Variants in CLSTN2 observed in about 807,000 individuals in gnomAD.
CLSTN2 encodes calsyntenin 2.
CLSTN2 carries 48 observed loss-of-function variants against 101.2 expected under a neutral mutation model. That is an observed-to-expected ratio of 0.47 (90% CI 0.38 to 0.60). The LOEUF (loss-of-function observed/expected upper bound fraction) is 0.60, where lower values mean the gene tolerates loss of function less well. Ranked by LOEUF, CLSTN2 falls within the 20% of genes least tolerant of loss-of-function variation. The probability of loss-of-function intolerance (pLI) is 0.00; values close to 1 mark genes in which losing one functional copy is unlikely to be tolerated. For synonymous variants in CLSTN2, 481 were observed against 463.6 expected (o/e 1.04, Z -0.48); for missense variants, 1,160 against 1,238.2 (o/e 0.94, Z 0.95).
chr3:140,314,885 AT>A (rs1377617965), intron 2 of CLSTN2, among the ~76,000 whole-genome samples: 1 of 152,114 alleles, frequency 6.6e-6, no homozygotes, highest in Non-Finnish European at 1.5e-5. Flanking sequence ...AAAGGAAGGA[AT>A]CCTCCTTCCC....
intron 9 of CLSTN2, among the ~76,000 whole-genome samples, chr3:140,542,642 C>G (rs568505861): frequency 1.6e-4 from 24 of 152,226 alleles, no homozygotes; most frequent in African/African-American, 5.8e-4. Context: ...GAAAAATGCT[C>G]ATTGAATCAA....
intron 2 of CLSTN2, among the ~76,000 whole-genome samples, chr3:140,324,073 G>C (rs534922776): frequency 4.0e-4 from 61 of 152,308 alleles, no homozygotes; most frequent in African/African-American, 1.4e-3. Context: ...TTCAAATAAG[G>C]CTCAAGGGTA....
chr3:139,938,853 G>A (rs571592501), intron 1 of CLSTN2, among the ~76,000 whole-genome samples: 4 of 152,262 alleles, frequency 2.6e-5, no homozygotes, highest in East Asian at 1.9e-4. Flanking sequence ...TGTAGTGCCC[G>A]CCTTGTGTGC....
At chr3:140,035,817 C>A (rs2007641293) in intron 1 of CLSTN2, among the ~76,000 whole-genome samples, 1 of 152,220 alleles carries the variant, frequency 6.6e-6, no homozygotes, top group Non-Finnish European at 1.5e-5. Flanking sequence ...GCCTCTCCAA[C>A]TTCATCCTGA....
intron 10 of CLSTN2, among the ~76,000 whole-genome samples, chr3:140,551,809 A>T (rs1301664416): frequency 2.7e-5 from 4 of 148,344 alleles, no homozygotes; most frequent in Non-Finnish European, 4.5e-5. Context: ...TATATTACAT[A>T]TAAATATATA....
intron 2 of CLSTN2, among the ~76,000 whole-genome samples, chr3:140,179,097 T>C (rs2010368373): frequency 6.6e-6 from 1 of 152,192 alleles, no homozygotes; most frequent in African/African-American, 2.4e-5. Flanking sequence ...ATATTATGAT[T>C]GCATTTTGTA....
At chr3:140,252,168 T>C (rs957301561) in intron 2 of CLSTN2, among the ~76,000 whole-genome samples, 6 of 152,022 alleles carry the variant, frequency 3.9e-5, no homozygotes, top group African/African-American at 1.4e-4. Flanking sequence ...GCATGAACTT[T>C]ATTTATAAAG....
chr3:140,107,201 C>A (rs1016785681), intron 1 of CLSTN2, among the ~76,000 whole-genome samples: 47 of 152,258 alleles, frequency 3.1e-4, no homozygotes, highest in African/African-American at 1.1e-3. Flanking sequence ...TGCTTGGGAG[C>A]CTCCACATCC....
chr3:140,051,298 C>A (rs963731144), intron 1 of CLSTN2, among the ~76,000 whole-genome samples: 47 of 152,218 alleles, frequency 3.1e-4, no homozygotes, highest in Non-Finnish European at 5.9e-4. Flanking sequence ...AGTTTGCAGA[C>A]CTTCAGGACT....
At chr3:139,941,145 C>G (rs1935119249) in intron 1 of CLSTN2, among the ~76,000 whole-genome samples, 1 of 152,106 alleles carries the variant, frequency 6.6e-6, no homozygotes, top group Non-Finnish European at 1.5e-5. Flanking sequence ...TAGCTGTTAT[C>G]TAACCCATGA....
chr3:140,403,810 GA>G lies in CLSTN2; in HGVS notation c.419del (p.Lys140SerfsTer11). ...GTGCTGGGCCCCACGAGACAGCCTG[GA>G]AAAAGTCACACAAGTGAGTGGCCTG... Reference protein sequence around the residue: ...CGAGPHETAWKKSHKAVVHIQ... With the variant: ...CGAGPHETAWXKSHKAVVHIQ... On this transcript the variant is annotated frameshift_variant, in exon 3 of 17. Transcript: ENST00000458420. LOFTEE classifies it high-confidence loss of function. 6.2e-7 allele frequency: 1 copy of G among 1,610,184 alleles called. No homozygotes were observed. Among genetic ancestry groups the G allele is most frequent in the Non-Finnish European group, 8.5e-7 (1 of 1,177,616 alleles).
At chr3:140,269,334 C>A (rs1435381003) in intron 2 of CLSTN2, among the ~76,000 whole-genome samples, 2 of 152,180 alleles carry the variant, frequency 1.3e-5, no homozygotes, top group Non-Finnish European at 2.9e-5. Context: ...ATGAACCGAG[C>A]TGAACATTTG....
chr3:140,529,086 C>T (rs895860909), intron 8 of CLSTN2, among the ~76,000 whole-genome samples: 3 of 152,204 alleles, frequency 2.0e-5, no homozygotes, highest in Non-Finnish European at 4.4e-5. Context: ...TTGGATCAAC[C>T]AGTCAGAAAC....
intron 1 of CLSTN2, among the ~76,000 whole-genome samples, chr3:140,105,934 A>G (rs893316391): frequency 1.3e-5 from 2 of 152,134 alleles, no homozygotes; most frequent in African/African-American, 4.8e-5. Flanking sequence ...GCCTCCTTCA[A>G]TGTGGAAATC....
chr3:140,155,174 A>T (rs1199251839), intron 1 of CLSTN2, among the ~76,000 whole-genome samples: 1 of 152,180 alleles, frequency 6.6e-6, no homozygotes, highest in Non-Finnish European at 1.5e-5. Context: ...GCCGATGATT[A>T]GAGTGAATGG....
intron 8 of CLSTN2, among the ~76,000 whole-genome samples, chr3:140,497,410 C>G (rs1353085548): frequency 6.6e-6 from 1 of 152,166 alleles, no homozygotes; most frequent in Non-Finnish European, 1.5e-5. Context: ...CGATCTGGCA[C>G]AGCCTCTGTG....
At chr3:140,527,065 A>G (rs1209842269) in intron 8 of CLSTN2, among the ~76,000 whole-genome samples, 4 of 152,224 alleles carry the variant, frequency 2.6e-5, no homozygotes, top group African/African-American at 9.6e-5. Context: ...CAATTGCAAG[A>G]AAAACAAAAA....
At chr3:140,420,398 CT>C (rs2088488331) in intron 4 of CLSTN2, among the ~76,000 whole-genome samples, 1 of 151,730 alleles carries the variant, frequency 6.6e-6, no homozygotes, top group African/African-American at 2.4e-5. Context: ...TTTATTAGTT[CT>C]TTGGAACTAA....
intron 8 of CLSTN2, among the ~76,000 whole-genome samples, chr3:140,525,509 C>A (rs994852254): frequency 6.6e-6 from 1 of 152,118 alleles, no homozygotes; most frequent in South Asian, 2.1e-4. Flanking sequence ...CTGCAAAGAA[C>A]TGATACCAAT....
Sources: allele counts gnomAD v4.1 joint callset (sites outside exome capture counted in the v4.1 genomes callset), GRCh38; gene constraint gnomAD v4.1.1; transcripts MANE v1.5; gene names NCBI Gene and HGNC (gene_info 2026-07-23, HGNC 2026-07-21).